EPB41: variants seen among roughly 807,000 people sequenced by gnomAD.
EPB41 encodes the protein protein 4.1.
A neutral mutation model predicts 108.0 loss-of-function variants in EPB41; 65 were observed. The ratio of observed to expected loss-of-function variants is 0.60; its 90% confidence interval spans 0.49 to 0.74. The LOEUF (loss-of-function observed/expected upper bound fraction) is 0.74. Among genes scored for constraint, EPB41 ranks in the 30% least tolerant of loss-of-function variants. The pLI is 0.00. For synonymous variants in EPB41, 336 were observed against 358.9 expected (o/e 0.94, Z 0.72); for missense variants, 875 against 1,037.0 (o/e 0.84, Z 2.15).
intron 16 of EPB41, 59 bp downstream of exon 16, chr1:29,065,217 A>G (rs944547428): frequency 2.7e-6 from 4 of 1,497,750 alleles, no homozygotes; most frequent in Non-Finnish European, 2.7e-6. Context: ...GTTTTTATGT[A>G]TTAATATTCT....
chr1:28,931,678 G>A (rs1226714235), intron 1 of EPB41, among the ~76,000 whole-genome samples: 2 of 151,532 alleles, frequency 1.3e-5, no homozygotes, highest in Non-Finnish European at 2.9e-5. Context: ...ACAGGCGCCC[G>A]CCACCACGTC....
intron 1 of EPB41, among the ~76,000 whole-genome samples, chr1:28,927,778 G>C (rs1459116510): frequency 6.6e-6 from 1 of 152,052 alleles, no homozygotes; most frequent in African/African-American, 2.4e-5. Flanking sequence ...TATGGGATTT[G>C]GAGTCAGACC....
At chr1:29,024,637 A>C (rs2096695738) in intron 7 of EPB41, among the ~76,000 whole-genome samples, 1 of 150,818 alleles carries the variant, frequency 6.6e-6, no homozygotes, top group South Asian at 2.1e-4. Context: ...GTCTCAAAAA[A>C]TAAATAAATA....
chr1:28,908,616 G>A (rs1016254847), intron 1 of EPB41, among the ~76,000 whole-genome samples: 3 of 149,198 alleles, frequency 2.0e-5, no homozygotes, highest in Admixed American at 2.0e-4. Flanking sequence ...ATTTTTAGTA[G>A]AGACAGGGTT....
chr1:28,947,401 C>T (rs1271102464), intron 1 of EPB41, among the ~76,000 whole-genome samples: 3 of 135,704 alleles, frequency 2.2e-5, no homozygotes, highest in South Asian at 2.5e-4. Flanking sequence ...AGCGAGACTC[C>T]GTCTCAGACA....
At chr1:28,934,306 T>C (rs2093888348) in intron 1 of EPB41, among the ~76,000 whole-genome samples, 2 of 152,216 alleles carry the variant, frequency 1.3e-5, no homozygotes, top group African/African-American at 4.8e-5. Context: ...ACTACTGATG[T>C]TGACCTTGGT....
chr1:29,031,971 C>T (rs2096794902), intron 8 of EPB41: 1 of 151,814 alleles, frequency 6.6e-6, no homozygotes, highest in Non-Finnish European at 1.5e-5. Context: ...TGGCACGTGC[C>T]TTTGGTGGTC....
Position 28,914,683 on chromosome 1 carries a change from G to A in EPB41, c.-93G>A, listed in dbSNP as rs1026005355. 2 of 152,138 alleles carry A rather than the reference G, an allele frequency of 1.3e-5. No individual in the cohort carries two copies. Among genetic ancestry groups the A allele is most frequent in the South Asian group, 2.0e-4 (1 of 5,044 alleles). 9.4% of individuals were successfully genotyped at this position (152,138 alleles called of 1,614,324 possible). A position where few individuals can be genotyped will look rare whatever the true frequency, so the allele number is the denominator to read the frequency against. On this transcript the variant is annotated 5_prime_UTR_variant, in exon 1 of 21. Transcript: ENST00000343067. ...CGGGCCCGCGAGCCGCAGAGGGCCC[G>A]AGCCTCGGACGCCGGCGCCTCCTCC...
At chr1:28,911,677 G>T (rs1003276434), upstream of EPB41, among the ~76,000 whole-genome samples, 6 of 152,304 alleles carry the variant, frequency 3.9e-5, no homozygotes, top group African/African-American at 1.4e-4. Flanking sequence ...AGGCACAGAG[G>T]TGGTAGGACT....
chr1:28,937,574 T>C (rs2094094537), intron 1 of EPB41, among the ~76,000 whole-genome samples: 2 of 152,168 alleles, frequency 1.3e-5, no homozygotes, highest in Non-Finnish European at 2.9e-5. Flanking sequence ...TTTGTGTTTT[T>C]AGTAGAGATG....
At chr1:28,917,246 CTCTGTGTG>C (rs1272226196) in intron 1 of EPB41, among the ~76,000 whole-genome samples, 1 of 151,528 alleles carries the variant, frequency 6.6e-6, no homozygotes, top group African/African-American at 2.4e-5. Context: ...CCATCTCTCT[CTCTGTGTG>C]TGTGTGTGTG....
chr1:29,038,985 A>G (rs1472763878), intron 10 of EPB41, among the ~76,000 whole-genome samples: 2 of 152,316 alleles, frequency 1.3e-5, no homozygotes, highest in South Asian at 2.1e-4. Context: ...AGGATGTAGT[A>G]AAAATACTGC....
intron 16 of EPB41, among the ~76,000 whole-genome samples, chr1:29,095,498 G>T (rs966234970): frequency 6.6e-6 from 1 of 152,104 alleles, no homozygotes; most frequent in African/African-American, 2.4e-5. Context: ...GGTTCCTCAA[G>T]AATATGTTTT....
chr1:29,108,606 G>T (rs1207098480), intron 17 of EPB41, among the ~76,000 whole-genome samples: 2 of 151,550 alleles, frequency 1.3e-5, no homozygotes, highest in East Asian at 3.9e-4. Flanking sequence ...GCCCAGGCTG[G>T]AAGTACAGTG....
chr1:28,928,579 A>C (rs988458955), intron 1 of EPB41, among the ~76,000 whole-genome samples: 1 of 152,230 alleles, frequency 6.6e-6, no homozygotes, highest in Non-Finnish European at 1.5e-5. Flanking sequence ...AATAGCTCTC[A>C]GTAAATATTC....
At chr1:29,029,848 T>G (rs1379852621) in intron 7 of EPB41, among the ~76,000 whole-genome samples, 1 of 152,236 alleles carries the variant, frequency 6.6e-6, no homozygotes, top group Non-Finnish European at 1.5e-5. Context: ...GGACACCATC[T>G]GTTACCAGAA....
chr1:29,067,125 C>T (rs1468944272), intron 16 of EPB41, among the ~76,000 whole-genome samples: 2 of 149,504 alleles, frequency 1.3e-5, no homozygotes, highest in Non-Finnish European at 3.0e-5. Flanking sequence ...GAGGCTGAGG[C>T]GGGCTGATCA....
chr1:28,906,082 G>C (rs1182359684), intron 1 of EPB41, among the ~76,000 whole-genome samples: 1 of 152,106 alleles, frequency 6.6e-6, no homozygotes, highest in African/African-American at 2.4e-5. Context: ...GCCTCCCAAA[G>C]TGTTGGGATT....
intron 1 of EPB41, among the ~76,000 whole-genome samples, chr1:28,917,248 CTGTG>C (rs572627121): frequency 6.7e-6 from 1 of 149,670 alleles, no homozygotes; most frequent in Middle Eastern, 3.4e-3. Context: ...ATCTCTCTCT[CTGTG>C]TGTGTGTGTG....
Sources: gnomAD v4.1 joint callset for allele counts (sites outside exome capture counted in the v4.1 genomes callset) on GRCh38, gnomAD v4.1.1 for gene constraint, MANE v1.5 for transcripts, NCBI Gene and HGNC (gene_info 2026-07-23, HGNC 2026-07-21) for gene names.